The following CTNNA2 variants were observed in gnomAD, a reference collection of about 807,000 sequenced individuals.
CTNNA2 encodes the protein catenin alpha 2.
CTNNA2 carries 42 observed loss-of-function variants against 101.0 expected under a neutral mutation model. That is an observed-to-expected ratio of 0.42 (90% CI 0.32 to 0.54). The LOEUF is 0.54. Among genes scored for constraint, CTNNA2 ranks in the 20% least tolerant of loss-of-function variants. CTNNA2 has a pLI of 0.14. For synonymous variants in CTNNA2, 450 were observed against 456.4 expected (o/e 0.99, Z 0.18); for missense variants, 871 against 1,223.1 (o/e 0.71, Z 4.29).
intron 2 of CTNNA2, among the ~76,000 whole-genome samples, chr2:79,279,972 G>A (rs949295597): frequency 2.7e-4 from 41 of 152,012 alleles, no homozygotes; most frequent in African/African-American, 9.9e-4. Context: ...TCTCTATCCT[G>A]AAAATGTATT....
At chr2:80,094,317 G>T (rs1699999505) in intron 7 of CTNNA2, among the ~76,000 whole-genome samples, 2 of 152,136 alleles carry the variant, frequency 1.3e-5, no homozygotes, top group South Asian at 2.1e-4. Flanking sequence ...GATAGTTGTA[G>T]ATATGCGGCA....
At chr2:79,495,027 A>G (rs951630479) in intron 4 of CTNNA2, among the ~76,000 whole-genome samples, 2 of 151,984 alleles carry the variant, frequency 1.3e-5, no homozygotes, top group South Asian at 2.1e-4. Context: ...GGCGTGAACC[A>G]GGGAGGCGGA....
chr2:79,502,909 C>G (rs1436901175), intron 4 of CTNNA2, among the ~76,000 whole-genome samples: 4 of 152,132 alleles, frequency 2.6e-5, no homozygotes, highest in South Asian at 2.1e-4. Context: ...GATCAATGGG[C>G]TCATGTATAA....
At chr2:79,711,840 A>G (rs1167877228) in intron 2 of CTNNA2, among the ~76,000 whole-genome samples, 1 of 152,188 alleles carries the variant, frequency 6.6e-6, no homozygotes, top group Non-Finnish European at 1.5e-5. Context: ...GTGTTCCCAT[A>G]TAACTTATTT....
intron 3 of CTNNA2, among the ~76,000 whole-genome samples, chr2:79,837,713 C>T (rs555851578): frequency 2.0e-5 from 3 of 151,792 alleles, no homozygotes; most frequent in African/African-American, 7.3e-5. Flanking sequence ...AACATACTCT[C>T]AATTTGTAAT....
chr2:79,957,423 G>T (rs1211423258), intron 7 of CTNNA2, among the ~76,000 whole-genome samples: 1 of 152,156 alleles, frequency 6.6e-6, no homozygotes, highest in East Asian at 1.9e-4. Flanking sequence ...CAAGGAGAGA[G>T]AACACAGTAC....
chr2:79,649,041 G>A (rs1228498074), intron 1 of CTNNA2, among the ~76,000 whole-genome samples: 2 of 151,982 alleles, frequency 1.3e-5, no homozygotes, highest in Non-Finnish European at 2.9e-5. Context: ...AGTTAGAAGG[G>A]CTCTGTGACC....
At chr2:79,699,270 C>T (rs1366420389) in intron 2 of CTNNA2, among the ~76,000 whole-genome samples, 1 of 152,092 alleles carries the variant, frequency 6.6e-6, no homozygotes, top group African/African-American at 2.4e-5. Flanking sequence ...CTGCCATTTA[C>T]TTGCCCTGTG....
intron 7 of CTNNA2, among the ~76,000 whole-genome samples, chr2:80,229,434 G>T (rs968306932): frequency 1.8e-4 from 27 of 151,920 alleles, no homozygotes; most frequent in African/African-American, 5.8e-4. Context: ...CATCACGCAA[G>T]AAAAGTTTAC....
At chr2:80,597,161 G>A (rs565563357) in intron 15 of CTNNA2, among the ~76,000 whole-genome samples, 5 of 151,934 alleles carry the variant, frequency 3.3e-5, no homozygotes, top group East Asian at 3.9e-4. Flanking sequence ...TATTGGCCTC[G>A]ACAACCATCT....
chr2:80,527,488 G>T (rs1213982369), intron 9 of CTNNA2, among the ~76,000 whole-genome samples: 2 of 152,180 alleles, frequency 1.3e-5, no homozygotes, highest in African/African-American at 4.8e-5. Flanking sequence ...GATGCTGCTG[G>T]ACTTGTGTTA....
chr2:79,261,462 TATCACAG>T, intron 2 of CTNNA2, among the ~76,000 whole-genome samples: 1 of 152,340 alleles, frequency 6.6e-6, no homozygotes, highest in South Asian at 2.1e-4. Flanking sequence ...TATATGAAGA[TATCACAG>T]ACTGTGTGGC....
At chr2:79,827,778 A>C (rs1197340726) in intron 3 of CTNNA2, among the ~76,000 whole-genome samples, 1 of 152,228 alleles carries the variant, frequency 6.6e-6, no homozygotes, top group East Asian at 1.9e-4. Flanking sequence ...GAATATGAAA[A>C]GAAAAAGGAT....
Position 80,537,278 on chromosome 2 carries a change from G to C in CTNNA2, c.1291-7704G>C, listed in dbSNP as rs1033697280. On this transcript the variant is annotated intron_variant, in intron 9 of 18. Coordinates refer to ENST00000402739, the MANE Select transcript of CTNNA2 (RefSeq NM_001282597.3). ...ACCCATTCTTTTTTATGGCTGCATA[G>C]TATTCTGTGGTGTATATGTGCCATA... 3.9e-5 allele frequency among the ~76,000 whole-genome samples: 6 copies of C among 152,292 alleles called. 1 individual carries two copies. Among genetic ancestry groups the C allele is most frequent in the Middle Eastern group, 6.8e-3 (2 of 294 alleles).
intron 7 of CTNNA2, among the ~76,000 whole-genome samples, chr2:80,376,592 TGATA>T (rs1223928314): frequency 2.6e-5 from 4 of 152,192 alleles, no homozygotes; most frequent in Non-Finnish European, 5.9e-5. Context: ...CATTAAAGAA[TGATA>T]GATAGATCTC....
At chr2:80,003,893 G>T (rs1693138207) in intron 7 of CTNNA2, among the ~76,000 whole-genome samples, 1 of 152,168 alleles carries the variant, frequency 6.6e-6, no homozygotes, top group South Asian at 2.1e-4. Context: ...AAAGTCCCAG[G>T]AGGGCAGCTT....
intron 7 of CTNNA2, among the ~76,000 whole-genome samples, chr2:79,946,426 A>C (rs1182448860): frequency 6.6e-6 from 1 of 152,224 alleles, no homozygotes; most frequent in Admixed American, 6.5e-5. Context: ...CTATTACTTT[A>C]AACCGAACAC....
intron 4 of CTNNA2, among the ~76,000 whole-genome samples, chr2:79,404,288 C>T (rs562383203): frequency 1.2e-4 from 18 of 151,900 alleles, no homozygotes; most frequent in Non-Finnish European, 2.1e-4. Context: ...TTATATTCTA[C>T]CTTTCTTTGT....
intron 2 of CTNNA2, among the ~76,000 whole-genome samples, chr2:79,655,688 G>T (rs1681560277): frequency 5.3e-5 from 8 of 151,910 alleles, no homozygotes; most frequent in Admixed American, 5.2e-4. Context: ...ACTTAGACAG[G>T]CATGGTGGTA....
Sources: allele counts gnomAD v4.1 joint callset (sites outside exome capture counted in the v4.1 genomes callset), GRCh38; gene constraint gnomAD v4.1.1; transcripts MANE v1.5; gene names NCBI Gene and HGNC (gene_info 2026-07-23, HGNC 2026-07-21).